The following B9D1 variants were observed in gnomAD, a reference collection of about 807,000 sequenced individuals.
The protein encoded by B9D1 is B9 domain containing 1.
Under a neutral mutation model 26.1 loss-of-function variants are expected in B9D1, and 20 were observed. The ratio of observed to expected loss-of-function variants is 0.77; its 90% CI spans 0.54 to 1.12. The LOEUF is 1.12. Ranked by LOEUF, B9D1 falls within the 50% of genes most tolerant of loss-of-function variation. The pLI is 0.00. For missense variants in B9D1, 260 were observed against 273.7 expected (o/e 0.95, Z 0.35); for synonymous variants, 105 against 103.1 (o/e 1.02, Z -0.11).
At chr17:19,366,634 C>T (rs1048036390), upstream of B9D1, among the ~76,000 whole-genome samples, 6 of 152,156 alleles carry the variant, frequency 3.9e-5, no homozygotes, top group African/African-American at 1.4e-4. Flanking sequence ...AAATCAGGGT[C>T]CCTGTGACTC....
chr17:19,375,982 C>A (rs927104385), intron 1 of B9D1, among the ~76,000 whole-genome samples: 22 of 152,182 alleles, frequency 1.4e-4, no homozygotes, highest in African/African-American at 5.1e-4. Context: ...GTTGAAACAA[C>A]CCAAATGTTC....
chr17:19,351,645 G>A (rs1909621683), intron 3 of B9D1, among the ~76,000 whole-genome samples: 3 of 152,080 alleles, frequency 2.0e-5, no homozygotes, highest in African/African-American at 2.4e-5. Context: ...GAAGACACTC[G>A]GACTTGGAAC....
intron 1 of B9D1, among the ~76,000 whole-genome samples, chr17:19,361,269 A>G (rs1911025086): frequency 6.6e-6 from 1 of 152,164 alleles, no homozygotes; most frequent in Non-Finnish European, 1.5e-5. Flanking sequence ...TGCACAATAA[A>G]TGTAATGTCC....
At chr17:19,350,353 C>T (rs1453863968) in intron 3 of B9D1, among the ~76,000 whole-genome samples, 5 of 152,082 alleles carry the variant, frequency 3.3e-5, no homozygotes, top group Admixed American at 3.3e-4. Flanking sequence ...CAAGAACAGC[C>T]TGGCCAACAT....
At position 19,357,971 on chromosome 17, in the gene B9D1, G is replaced by T. The variant is rs771098145; in HGVS notation, c.133-20C>A. ...CAGACCCTGTGAGGACAGTGACACA[G>T]ACGGCTGGATTCAGAGCAGAGCCAA... On this transcript the variant is annotated intron_variant, in intron 2 of 6. Transcript: ENST00000261499. 1 of 1,596,056 alleles carries T rather than the reference G, an allele frequency of 6.3e-7. No individual in the cohort carries two copies. The highest frequency in any genetic ancestry group is 8.6e-7 in the Non-Finnish European group (1 of 1,163,656).
intron 5 of B9D1, among the ~76,000 whole-genome samples, chr17:19,345,071 G>C (rs993055101): frequency 2.0e-5 from 3 of 152,230 alleles, no homozygotes; most frequent in African/African-American, 7.2e-5. Context: ...CGTTCCCACT[G>C]AATTTCTTTC....
intron 1 of B9D1, among the ~76,000 whole-genome samples, chr17:19,362,201 C>T (rs1416601361): frequency 1.3e-5 from 2 of 152,230 alleles, no homozygotes; most frequent in African/African-American, 4.8e-5. Flanking sequence ...GCGTTAACCC[C>T]AGGAGGCTCC....
At chr17:19,353,056 A>G (rs1026630439) in intron 3 of B9D1, among the ~76,000 whole-genome samples, 1 of 150,670 alleles carries the variant, frequency 6.6e-6, no homozygotes, top group Non-Finnish European at 1.5e-5. Context: ...GCTCACTGCT[A>G]TCTCCACCTC....
chr17:19,371,581 T>G (rs1240886103), intron 1 of B9D1: 2 of 152,304 alleles, frequency 1.3e-5, no homozygotes, highest in African/African-American at 4.8e-5. Flanking sequence ...TCATGGGTGT[T>G]CTTGGTCCCA....
At chr17:19,352,041 G>A (rs1383717329) in intron 3 of B9D1, among the ~76,000 whole-genome samples, 3 of 151,806 alleles carry the variant, frequency 2.0e-5, no homozygotes, top group Non-Finnish European at 4.4e-5. Flanking sequence ...TTGAGCCACT[G>A]TGCCTGGCCA....
At chr17:19,348,361 G>A (rs891755738) in intron 3 of B9D1, among the ~76,000 whole-genome samples, 1 of 152,078 alleles carries the variant, frequency 6.6e-6, no homozygotes, top group African/African-American at 2.4e-5. Context: ...AATATTATAG[G>A]TACTATAATA....
chr17:19,369,908 A>G (rs923086803), intron 1 of B9D1, among the ~76,000 whole-genome samples: 2 of 152,070 alleles, frequency 1.3e-5, no homozygotes, highest in African/African-American at 2.4e-5. Context: ...ATTCCTACCT[A>G]GTGCCCCGCC....
At chr17:19,357,275 C>T (rs1910475277) in intron 3 of B9D1, among the ~76,000 whole-genome samples, 1 of 152,204 alleles carries the variant, frequency 6.6e-6, no homozygotes, top group African/African-American at 2.4e-5. Context: ...ACAGTAGGCA[C>T]TTATGAAGTG....
downstream of B9D1, chr17:19,336,854 G>C (rs894019664): frequency 6.6e-6 from 1 of 152,444 alleles, no homozygotes; most frequent in Non-Finnish European, 1.5e-5. Flanking sequence ...TAGTGCCCGC[G>C]TGAGCTGGGC....
rs780352830 is a variant in B9D1 at position 19,347,072 on chromosome 17, C to T, written c.404+197G>A. 1.6e-5 allele frequency: 25 copies of T among 1,551,844 alleles called. No homozygotes were observed. The East Asian group carries it at 1.7e-4, about 11-fold the overall frequency. ...TCACAGGGCACAGGGTAAAATCGCC[C>T]GGCCTTCTGCTGCTGGAACAGGGCT... On this transcript the variant is annotated intron_variant, in intron 5 of 6. Coordinates refer to ENST00000261499, the MANE Select transcript of B9D1 (RefSeq NM_015681.6). This position sits in a 1 kb window ranked among gnomAD's most constrained non-coding sequence, Gnocchi z 4.3.
chr17:19,359,220 T>C lies in B9D1; in HGVS notation c.132+1100A>G, dbSNP rs367678077. 8.6e-4 allele frequency among the ~76,000 whole-genome samples: 131 copies of C among 152,330 alleles called. No homozygotes were observed. The highest frequency in any genetic ancestry group is 3.1e-3 in the African/African-American group (130 of 41,570). ...AAAACATAAGTCAGATCACTTTCTC[T>C]GCTGAAAGTTCTCCAGTGGGATCCC... On this transcript the variant is annotated intron_variant, in intron 2 of 6. Coordinates refer to ENST00000261499, the MANE Select transcript of B9D1 (RefSeq NM_015681.6). This position sits in a 1 kb window ranked among gnomAD's most constrained non-coding sequence, Gnocchi z 5.0.
At position 19,370,710 on chromosome 17, in the gene B9D1, A is replaced by G. The variant is rs531305716; in HGVS notation, c.-298+7149T>C. 1.3e-5 allele frequency among the ~76,000 whole-genome samples: 2 copies of G among 152,310 alleles called. No homozygotes were observed. The highest frequency in any genetic ancestry group is 4.8e-5 in the African/African-American group (2 of 41,572). Reference sequence around the variant, plus strand: ...GAGGCCCCGAGAGGTGTCTGGAGCCATCTGGCCGTGAGGTCAGCCACCCAG... The same window carrying G: ...GAGGCCCCGAGAGGTGTCTGGAGCCGTCTGGCCGTGAGGTCAGCCACCCAG... On this transcript the variant is annotated intron_variant, in intron 1 of 5. Transcript: ENST00000477478. This position sits in a 1 kb window ranked among gnomAD's most constrained non-coding sequence, Gnocchi z 5.1.
chr17:19,343,664 G>C (rs761820774), intron 6 of B9D1, 126 bp downstream of exon 6: 1 of 1,603,076 alleles, frequency 6.2e-7, no homozygotes, highest in African/African-American at 1.3e-5. Flanking sequence ...CCTCATCTGG[G>C]AACATTTGTG....
intron 1 of B9D1, among the ~76,000 whole-genome samples, chr17:19,374,096 TATA>T (rs1347176952): frequency 6.6e-6 from 1 of 152,216 alleles, no homozygotes; most frequent in Non-Finnish European, 1.5e-5. Context: ...CACAAAAAGA[TATA>T]CTTGGTCTTT....
Sources: allele counts gnomAD v4.1 joint callset (sites outside exome capture counted in the v4.1 genomes callset), GRCh38; gene constraint gnomAD v4.1.1; non-coding constraint Gnocchi (gnomAD v3.1); transcripts MANE v1.5; gene names NCBI Gene and HGNC (gene_info 2026-07-23, HGNC 2026-07-21).